CYFIP1: variants seen among roughly 807,000 people sequenced by gnomAD.
CYFIP1 encodes cytoplasmic FMR1-interacting protein 1.
A neutral mutation model predicts 163.5 loss-of-function variants in CYFIP1; 58 were observed. That is an observed-to-expected ratio of 0.35 (90% CI 0.29 to 0.44). The LOEUF is 0.44. Among genes scored for constraint, CYFIP1 ranks in the 20% least tolerant of loss-of-function variants. The pLI is 1.00. For missense variants in CYFIP1, 1,338 were observed against 1,653.8 expected (o/e 0.81, Z 3.31); for synonymous variants, 663 against 660.7 (o/e 1.00, Z -0.05).
chr15:22,945,246 C>T (rs1479986468), intron 3 of CYFIP1, among the ~76,000 whole-genome samples: 2 of 152,188 alleles, frequency 1.3e-5, no homozygotes, highest in African/African-American at 4.8e-5. Context: ...GCCATGAGAC[C>T]TGCAGTTAGG....
At chr15:22,974,655 A>C (rs928523344) in intron 1 of CYFIP1, among the ~76,000 whole-genome samples, 3 of 152,120 alleles carry the variant, frequency 2.0e-5, no homozygotes, top group African/African-American at 7.2e-5. Flanking sequence ...ACTGGAACCC[A>C]GGAGGCGGAG....
intron 1 of CYFIP1, among the ~76,000 whole-genome samples, chr15:22,948,924 A>G (rs722411): frequency 0.8 from 122,185 of 151,818 alleles, 49,739 homozygotes; most frequent in African/African-American, 0.93. Context: ...GGGGATCTTC[A>G]GGACAAGAGA....
chr15:22,873,587 A>G lies in CYFIP1; in HGVS notation c.3353T>C (p.Val1118Ala), dbSNP rs781580483. ...IWRGPLPSNG[V>A]MHVDECVEFH... ...CTCCACACACTCGTCCACATGCATG[A>G]CCCCATTGCTGGGCAGAGGCCCGCG... is the stretch of plus-strand genomic sequence containing the variant. The change falls in exon 29 of 31, where the codon GTC (valine) becomes GCC (alanine). Residue 1118 changes from valine to alanine, a missense_variant. Transcript: ENST00000617928. 1.9e-6 allele frequency: 3 copies of G among 1,613,964 alleles called. No individual in the cohort carries two copies. In the Admixed American group the frequency reaches 5.0e-5, roughly 27 times the overall value.
intron 13 of CYFIP1, among the ~76,000 whole-genome samples, chr15:22,919,277 C>G (rs946948472): frequency 6.6e-6 from 1 of 152,182 alleles, no homozygotes; most frequent in Non-Finnish European, 1.5e-5. Flanking sequence ...CAGAAAAAGC[C>G]TGGAAGACTC....
intron 1 of CYFIP1, chr15:22,951,614 C>T (rs572007519): frequency 1.5e-5 from 18 of 1,226,976 alleles, no homozygotes; most frequent in African/African-American, 3.1e-5. Flanking sequence ...GGCCTGGGGG[C>T]GTGTCCAGTC....
At chr15:22,979,530 GGACTT>G (rs2063395881) in intron 1 of CYFIP1, among the ~76,000 whole-genome samples, 1 of 152,172 alleles carries the variant, frequency 6.6e-6, no homozygotes, top group Admixed American at 6.5e-5. Context: ...CTCCCTGACT[GGACTT>G]AATAGCGGAG....
chr15:22,979,031 G>A (rs897437902), intron 1 of CYFIP1, among the ~76,000 whole-genome samples: 3 of 152,158 alleles, frequency 2.0e-5, no homozygotes, highest in Non-Finnish European at 4.4e-5. Flanking sequence ...AACTTAGGGG[G>A]TACATTTTCT....
chr15:22,929,576 G>A (rs2061466295), intron 11 of CYFIP1, among the ~76,000 whole-genome samples: 1 of 136,206 alleles, frequency 7.3e-6, no homozygotes, highest in South Asian at 2.4e-4. Flanking sequence ...AAGTTGCAAT[G>A]AGCCAAGATC....
intron 1 of CYFIP1, among the ~76,000 whole-genome samples, chr15:22,949,635 T>C (rs144534311): frequency 1.3e-5 from 2 of 152,252 alleles, no homozygotes; most frequent in Admixed American, 6.5e-5. Flanking sequence ...ATTACACAAA[T>C]ACATAACAAG....
intron 1 of CYFIP1, among the ~76,000 whole-genome samples, chr15:22,958,303 T>C (rs2346692): frequency 0.87 from 131,770 of 152,016 alleles, 57,279 homozygotes; most frequent in Admixed American, 0.91. Context: ...TCAGGCTGGT[T>C]TTGAACTCCT....
At chr15:22,870,227 A>G in intron 30 of CYFIP1, 35 bp from the exon 31 acceptor site, 3 of 1,564,612 alleles carry the variant, frequency 1.9e-6, no homozygotes, top group Non-Finnish European at 1.7e-6. Flanking sequence ...TTTACTATTA[A>G]CACTTCAACA....
intron 13 of CYFIP1, among the ~76,000 whole-genome samples, chr15:22,925,046 CTGT>C (rs2061314519): frequency 6.6e-6 from 1 of 152,098 alleles, no homozygotes; most frequent in Non-Finnish European, 1.5e-5. Flanking sequence ...TTACTTTTCA[CTGT>C]TGTAGTGTTA....
In CYFIP1 at chr15:22,939,303, G is replaced by C; in HGVS notation, c.684C>G (p.Leu228=). 4 of 1,614,120 alleles carry C rather than the reference G, an allele frequency of 2.5e-6. No homozygotes were observed. The East Asian group carries it at 8.9e-5, about 36-fold the overall frequency. The change falls in exon 8 of 31, where the codon CTC becomes CTG. Residue 228 remains leucine (L), a synonymous_variant. Transcript: ENST00000617928. ...NKITQSLQQQ[L]EVISGYEELL... is the part of the protein sequence containing the mutation. ...GCTCTTCGTAGCCAGAAATCACTTCGAGCTGCTGCTGCAGAGACTGAAACA... is the reference window on the plus strand; with the variant it reads ...GCTCTTCGTAGCCAGAAATCACTTCCAGCTGCTGCTGCAGAGACTGAAACA...
intron 23 of CYFIP1, among the ~76,000 whole-genome samples, chr15:22,889,714 C>A: frequency 6.6e-6 from 1 of 152,092 alleles, no homozygotes; most frequent in East Asian, 1.9e-4. Flanking sequence ...GTGCCCTCTG[C>A]GCACAAATGC....
intron 12 of CYFIP1, among the ~76,000 whole-genome samples, chr15:22,926,555 T>A (rs2061363772): frequency 6.6e-6 from 1 of 152,132 alleles, no homozygotes; most frequent in Non-Finnish European, 1.5e-5. Flanking sequence ...GCCTTTCAAA[T>A]GACCATGTAC....
chr15:22,962,558 C>A (rs1380637501), intron 1 of CYFIP1, among the ~76,000 whole-genome samples: 1 of 151,846 alleles, frequency 6.6e-6, no homozygotes, highest in Non-Finnish European at 1.5e-5. Context: ...GCCACCATGC[C>A]CGGCTAAATT....
intron 9 of CYFIP1, among the ~76,000 whole-genome samples, chr15:22,935,813 G>A (rs2061693981): frequency 6.6e-6 from 1 of 152,138 alleles, no homozygotes; most frequent in South Asian, 2.1e-4. Context: ...GGTGTGTTAG[G>A]TAATGGACAT....
At chr15:22,978,449 G>A (rs891506750) in intron 1 of CYFIP1, among the ~76,000 whole-genome samples, 4 of 142,472 alleles carry the variant, frequency 2.8e-5, no homozygotes, top group African/African-American at 1.0e-4. Context: ...ATATCAACAT[G>A]TAAAGATTGC....
chr15:22,895,751 T>A (rs1186806401), intron 22 of CYFIP1, among the ~76,000 whole-genome samples: 1 of 152,126 alleles, frequency 6.6e-6, no homozygotes, highest in Non-Finnish European at 1.5e-5. Context: ...GAGGCTGAGC[T>A]CAGCTACGTG....
Sources: gnomAD v4.1 joint callset for allele counts (sites outside exome capture counted in the v4.1 genomes callset) on GRCh38, gnomAD v4.1.1 for gene constraint, MANE v1.5 for transcripts, NCBI Gene and HGNC (gene_info 2026-07-23, HGNC 2026-07-21) for gene names.